FRYL: variants seen among roughly 807,000 people sequenced by gnomAD.
The protein encoded by FRYL is protein furry homolog-like.
Under a neutral mutation model 351.2 loss-of-function variants are expected in FRYL, and 150 were observed. That is an observed-to-expected ratio of 0.43 (90% confidence interval 0.37 to 0.49). The LOEUF (loss-of-function observed/expected upper bound fraction) is 0.49. Ranked by LOEUF, FRYL falls within the 20% of genes least tolerant of loss-of-function variation. The pLI is 0.00. For synonymous variants in FRYL, 1,153 were observed against 1,257.1 expected, an observed-to-expected ratio of 0.92 and a Z score of 1.75; for missense variants, 3,036 against 3,619.3, an observed-to-expected ratio of 0.84 and a Z score of 4.13.
In FRYL at chr4:48,529,589, T is replaced by A. The variant is rs190073724; in HGVS notation, c.6904-1253A>T. ...CAAATATGCTTTCTACATAAAAAAA[T>A]AAAGTTTAGGATAAATTCTAATGCC... On this transcript the variant is annotated intron_variant, in intron 50 of 63. Coordinates refer to ENST00000358350, the MANE Select transcript of FRYL (RefSeq NM_015030.2). 2.1e-3 allele frequency among the ~76,000 whole-genome samples: 318 copies of A among 152,266 alleles called. 3 individuals carry two copies. The highest frequency in any genetic ancestry group is 3.0e-3 in the Non-Finnish European group (205 of 68,000).
chr4:48,691,260 C>A (rs1417875041), intron 2 of FRYL, among the ~76,000 whole-genome samples: 2 of 152,058 alleles, frequency 1.3e-5, no homozygotes, highest in African/African-American at 4.8e-5. Flanking sequence ...CATGCACACA[C>A]AAATTTATTT....
chr4:48,644,224 G>A (rs569902651), intron 3 of FRYL, among the ~76,000 whole-genome samples: 42 of 152,276 alleles, frequency 2.8e-4, no homozygotes, highest in African/African-American at 1.0e-3. Flanking sequence ...TTACAGGCAT[G>A]AGCCACCGCG....
At chr4:48,670,971 G>A (rs527412915) in intron 3 of FRYL, among the ~76,000 whole-genome samples, 1 of 152,088 alleles carries the variant, frequency 6.6e-6, no homozygotes, top group Non-Finnish European at 1.5e-5. Flanking sequence ...CTAGTACTGG[G>A]ATTGCTGGAT....
At chr4:48,519,019 C>T (rs1351513681) in intron 55 of FRYL, among the ~76,000 whole-genome samples, 1 of 152,272 alleles carries the variant, frequency 6.6e-6, no homozygotes, top group Non-Finnish European at 1.5e-5. Context: ...TGAATGCTCA[C>T]ATGCCATGTG....
At chr4:48,665,668 GA>G (rs1370670412) in intron 3 of FRYL, among the ~76,000 whole-genome samples, 2 of 152,200 alleles carry the variant, frequency 1.3e-5, no homozygotes, top group African/African-American at 4.8e-5. Flanking sequence ...TAATGGAACA[GA>G]ACGAGTAAAA....
At chr4:48,723,227 C>G (rs1301214586) in intron 1 of FRYL, among the ~76,000 whole-genome samples, 1 of 152,102 alleles carries the variant, frequency 6.6e-6, no homozygotes, top group Non-Finnish European at 1.5e-5. Context: ...ACTGCAGCCT[C>G]GACCTCCTGG....
intron 3 of FRYL, among the ~76,000 whole-genome samples, chr4:48,679,931 A>G (rs966903902): frequency 6.6e-6 from 1 of 152,048 alleles, no homozygotes; most frequent in Non-Finnish European, 1.5e-5. Flanking sequence ...TTAATAACTA[A>G]AAAGTAGTCA....
intron 3 of FRYL, among the ~76,000 whole-genome samples, chr4:48,667,233 A>T (rs1394112957): frequency 6.6e-6 from 1 of 152,178 alleles, no homozygotes; most frequent in Non-Finnish European, 1.5e-5. Flanking sequence ...ACCCTAGTGG[A>T]CAATCCATTC....
At chr4:48,668,272 T>G (rs748069095) in intron 3 of FRYL, among the ~76,000 whole-genome samples, 84 of 152,086 alleles carry the variant, frequency 5.5e-4, no homozygotes, top group Admixed American at 1.7e-3. Flanking sequence ...GATCATCGTT[T>G]GCTTAATTTG....
chr4:48,690,951 A>G (rs1335965552), intron 2 of FRYL, among the ~76,000 whole-genome samples: 5 of 152,222 alleles, frequency 3.3e-5, no homozygotes, highest in Non-Finnish European at 5.9e-5. Flanking sequence ...GCAAGTAAGT[A>G]GCTACAATTT....
chr4:48,634,435 G>A lies in FRYL; in HGVS notation c.-25C>T. On this transcript the variant is annotated 5_prime_UTR_variant, in exon 4 of 64. Transcript: ENST00000358350. ...TGATGATATTTTTTTTTCCCCAAGT[G>A]GAATGAAAGTTGGAAGAAGCACAGT... 1 of 1,611,636 alleles carries A rather than the reference G, an allele frequency of 6.2e-7. No individual in the cohort carries two copies. The highest frequency in any genetic ancestry group is 8.5e-7 in the Non-Finnish European group (1 of 1,178,408).
At chr4:48,655,868 T>G (rs1758783111) in intron 3 of FRYL, among the ~76,000 whole-genome samples, 1 of 141,918 alleles carries the variant, frequency 7.0e-6, no homozygotes, top group Non-Finnish European at 1.5e-5. Context: ...TACATACATA[T>G]ATACACATAC....
chr4:48,505,227 T>TAACA (rs1280833929), intron 60 of FRYL, among the ~76,000 whole-genome samples: 1 of 152,176 alleles, frequency 6.6e-6, no homozygotes. Flanking sequence ...AGCAGAATAC[T>TAACA]AACATGGGAC....
At chr4:48,579,372 T>C in intron 22 of FRYL, 131 bp from the exon 23 acceptor site, 2 of 694,718 alleles carry the variant, frequency 2.9e-6, no homozygotes, top group Admixed American at 3.2e-5. Context: ...CCATGGTAGG[T>C]TGAAGGGAGT....
At chr4:48,589,177 G>A (rs916884466) in intron 18 of FRYL, among the ~76,000 whole-genome samples, 6 of 152,046 alleles carry the variant, frequency 3.9e-5, no homozygotes, top group Non-Finnish European at 8.8e-5. Context: ...AATAAAGTAA[G>A]CTATTGCCAT....
chr4:48,580,071 G>T (rs1740555078), intron 22 of FRYL, among the ~76,000 whole-genome samples: 1 of 151,168 alleles, frequency 6.6e-6, no homozygotes, highest in African/African-American at 2.4e-5. Context: ...ATCATGGCGG[G>T]GGGGAATTGT....
intron 36 of FRYL, among the ~76,000 whole-genome samples, chr4:48,552,247 GTGT>G (rs1732988159): frequency 5.7e-5 from 2 of 35,198 alleles, no homozygotes; most frequent in Admixed American, 1.8e-4. Flanking sequence ...CCAAAGGGGT[GTGT>G]GTGTGTGTGT....
chr4:48,712,834 G>C (rs1186946422), intron 1 of FRYL, among the ~76,000 whole-genome samples: 3 of 152,128 alleles, frequency 2.0e-5, no homozygotes, highest in African/African-American at 4.8e-5. Context: ...AGAGACAAAG[G>C]TCGGGTTACC....
At chr4:48,769,439 G>C (rs1171880066) in intron 1 of FRYL, among the ~76,000 whole-genome samples, 3 of 152,168 alleles carry the variant, frequency 2.0e-5, no homozygotes, top group Non-Finnish European at 2.9e-5. Context: ...ATGTTGGAGA[G>C]GATATAGAGA....
Sources: gnomAD v4.1 joint callset for allele counts (sites outside exome capture counted in the v4.1 genomes callset) on GRCh38, gnomAD v4.1.1 for gene constraint, MANE v1.5 for transcripts, NCBI Gene and HGNC (gene_info 2026-07-23, HGNC 2026-07-21) for gene names.